PPP2R5D: variants seen among roughly 807,000 people sequenced by gnomAD.
PPP2R5D encodes protein phosphatase 2 regulatory subunit B'delta.
In PPP2R5D, 12 loss-of-function variants were observed where a neutral mutation model predicts 79.1. The observed-to-expected ratio is 0.15, with a 90% CI of 0.10 to 0.25. The LOEUF is 0.25. Ranked by LOEUF, PPP2R5D falls within the 10% of genes least tolerant of loss-of-function variation. PPP2R5D has a pLI of 1.00. For synonymous variants in PPP2R5D, 277 were observed against 286.6 expected, an observed-to-expected ratio of 0.97 and a Z score of 0.34; for missense variants, 419 against 760.2, an observed-to-expected ratio of 0.55 and a Z score of 5.28.
chr6:42,993,715 A>G lies in PPP2R5D; in HGVS notation c.105+4027A>G, dbSNP rs75112222. Among the ~76,000 whole-genome samples, 584 of 152,198 alleles carry G rather than the reference A, an allele frequency of 3.8e-3. 5 individuals carry two copies. Among genetic ancestry groups the G allele is most frequent in the African/African-American group, 0.013 (547 of 41,512 alleles). The stretch of plus-strand genomic sequence containing the variant: ...CTCCATGTGTCTCTGTCTCTGTCCA[A>G]ATTTTCCTCTTCTAAGGACACCAGT... On this transcript the variant is annotated intron_variant, in intron 2 of 15. Transcript: ENST00000485511.
chr6:42,992,176 C>T (rs1380723429), intron 2 of PPP2R5D, among the ~76,000 whole-genome samples: 1 of 152,162 alleles, frequency 6.6e-6, no homozygotes, highest in Non-Finnish European at 1.5e-5. Flanking sequence ...TCTCCTGCCT[C>T]AGCCTCCCGA....
intron 2 of PPP2R5D, among the ~76,000 whole-genome samples, chr6:43,001,569 A>T (rs1772210500): frequency 6.6e-6 from 1 of 151,910 alleles, no homozygotes; most frequent in Non-Finnish European, 1.5e-5. Context: ...TAGTGGTGGT[A>T]GTAGAAGGTA....
rs759155011 is a variant in PPP2R5D, at chr6:43,010,876, C to T, written c.1555-5C>T. On this transcript the variant is annotated splice_polypyrimidine_tract_variant and splice_region_variant and intron_variant, in intron 14 of 15. Coordinates refer to ENST00000485511, the MANE Select transcript of PPP2R5D (RefSeq NM_006245.4). This position sits in a 1 kb window ranked among gnomAD's most constrained non-coding sequence, Gnocchi z 4.7. ...CTTAACGCTTGTCCATGTCTCCTCA[C>T]TCAGTATCCCATGTTCCGAGCCCCT... is the stretch of plus-strand genomic sequence containing the variant. 1.9e-6 allele frequency: 3 copies of T among 1,611,562 alleles called. No homozygotes were observed. In the South Asian group the frequency reaches 3.3e-5, roughly 18 times the overall value.
rs1762173031 is a variant in PPP2R5D, at chr6:43,007,852, C to A, written c.727-83C>A. On this transcript the variant is annotated intron_variant, in intron 6 of 15. Coordinates refer to ENST00000485511, the MANE Select transcript of PPP2R5D (RefSeq NM_006245.4). This position sits in a 1 kb window ranked among gnomAD's most constrained non-coding sequence, Gnocchi z 4.5. ...CCACTCCAGGGGACCTCTGCATTTC[C>A]CCTGGCGGGACCTATGTCACCCTGG... 1.3e-6 allele frequency: 2 copies of A among 1,562,816 alleles called. No individual in the cohort carries two copies. The highest frequency in any genetic ancestry group is 2.7e-5 in the African/African-American group (2 of 73,378).
Position 43,006,743 on chromosome 6 carries a change from A to G in PPP2R5D, c.322+64A>G. On this transcript the variant is annotated intron_variant, in intron 3 of 15. Transcript: ENST00000485511. The surrounding 1 kb of genome is among the most constrained non-coding windows in gnomAD (Gnocchi z 4.7). ...CTAGTGGGCATCGGGAGTTGGTGGA[A>G]TGGAAGTTTTGGGGTATTTTGCGGG... 2.5e-6 allele frequency: 4 copies of G among 1,588,576 alleles called. No homozygotes were observed. Among genetic ancestry groups the G allele is most frequent in the Non-Finnish European group, 3.4e-6 (4 of 1,164,860 alleles).
chr6:43,003,816 G>T (rs1013163858), intron 2 of PPP2R5D, among the ~76,000 whole-genome samples: 5 of 150,060 alleles, frequency 3.3e-5, no homozygotes, highest in Admixed American at 2.7e-4. Context: ...CTCACTGCAA[G>T]CTCCGCCTCC....
chr6:43,005,035 C>T (rs1412374707), intron 2 of PPP2R5D, among the ~76,000 whole-genome samples: 1 of 151,934 alleles, frequency 6.6e-6, no homozygotes, highest in Admixed American at 6.6e-5. Context: ...ATGAGCCACT[C>T]ACTGCACCTG....
In PPP2R5D at chr6:43,007,134, G is replaced by T. The variant is rs551819761; in HGVS notation, c.522+24G>T. 1.2e-4 allele frequency: 197 copies of T among 1,613,222 alleles called. No homozygotes were observed. The highest frequency in any genetic ancestry group is 4.7e-4 in the Admixed American group (28 of 59,948). ...TGGTGGGCACAGGGAAAGGACACAG[G>T]GGGGACTGGTGAGGGGCTCTGGAGA... On this transcript the variant is annotated intron_variant, in intron 4 of 15. Transcript: ENST00000485511. This position sits in a 1 kb window ranked among gnomAD's most constrained non-coding sequence, Gnocchi z 4.5.
In PPP2R5D at chr6:42,989,498, A is replaced by G. The variant is rs918358761; in HGVS notation, c.28-113A>G. On this transcript the variant is annotated intron_variant, in intron 1 of 15. Transcript: ENST00000485511. ...CCAGCTCCGCACAAGGTAGATTCTA[A>G]TTGATTGATTCAACTGGACAGAGGA... 7.9e-6 allele frequency: 7 copies of G among 888,698 alleles called. No individual in the cohort carries two copies. In the African/African-American group the frequency reaches 1.2e-4, roughly 15 times the overall value. The allele number at this position is 888,698 out of a possible 1,614,324, so 55.1% of individuals were successfully genotyped here.
rs369753644 is a variant in PPP2R5D, at chr6:42,984,655, G to T, written c.-23G>T. 42 of 1,595,430 alleles carry T rather than the reference G, an allele frequency of 2.6e-5. No individual in the cohort carries two copies. The highest frequency in any genetic ancestry group is 1.4e-4 in the East Asian group (6 of 43,942). On this transcript the variant is annotated 5_prime_UTR_variant, in exon 1 of 16. Coordinates refer to ENST00000485511, the MANE Select transcript of PPP2R5D (RefSeq NM_006245.4). The stretch of plus-strand genomic sequence containing the variant: ...GAGCCGGAGCGGGGCCGCAGGAGAC[G>T]GGCCGGGTCCGGACGGGCCGAGATG...
rs1762299267 is a variant in PPP2R5D at position 43,010,477 on chromosome 6, T to C, written c.1389T>C (p.His463=). ...TTCTTCTTGGTGGCAGGACAATCCA[T>C]GGACTGATCTATAATGCCCTGAAGT... The part of the protein sequence containing the change: ...NSKSHWNKTI[H]GLIYNALKLF... Residue 463 remains histidine (H), a synonymous_variant, in exon 13 of 16, where the codon CAT becomes CAC. Coordinates refer to ENST00000485511, the MANE Select transcript of PPP2R5D (RefSeq NM_006245.4). This position sits in a 1 kb window ranked among gnomAD's most constrained non-coding sequence, Gnocchi z 4.7. 1.2e-6 allele frequency: 2 copies of C among 1,613,990 alleles called. No individual in the cohort carries two copies. The highest frequency in any genetic ancestry group is 1.7e-5 in the Admixed American group (1 of 59,996).
At chr6:42,984,806 T>C in intron 1 of PPP2R5D, 102 bp downstream of exon 1, 1 of 1,532,560 alleles carries the variant, frequency 6.5e-7, no homozygotes, top group Non-Finnish European at 8.8e-7. Flanking sequence ...GACCCTCCCG[T>C]CCAGCCCCCG....
chr6:42,997,768 A>G (rs143347066), intron 2 of PPP2R5D, among the ~76,000 whole-genome samples: 1,543 of 149,756 alleles, frequency 0.01, 26 homozygotes, highest in African/African-American at 0.036. Context: ...CTGGTCTCCA[A>G]CTCCTGACCT....
intron 2 of PPP2R5D, among the ~76,000 whole-genome samples, chr6:42,996,824 GA>G (rs1199557480): frequency 6.6e-6 from 1 of 152,228 alleles, no homozygotes; most frequent in African/African-American, 2.4e-5. Flanking sequence ...CTACTGGAGA[GA>G]AGGCCTCTGA....
At chr6:42,999,831 G>A (rs143336223) in intron 2 of PPP2R5D, among the ~76,000 whole-genome samples, 2,767 of 152,098 alleles carry the variant, frequency 0.018, 31 homozygotes, top group South Asian at 0.03. Context: ...AAAGAGCTGG[G>A]ATTGCAGGCA....
chr6:42,984,854 G>A, intron 1 of PPP2R5D, 150 bp downstream of exon 1: 1 of 1,285,904 alleles, frequency 7.8e-7, no homozygotes, highest in Non-Finnish European at 1.0e-6. Context: ...CCCGCGGCTG[G>A]CAGCACCCCC....
Position 43,006,915 on chromosome 6 carries a change from G to T in PPP2R5D, c.327G>T (p.Ser109=). Residue 109 remains serine (S), a synonymous_variant, in exon 4 of 16, where the codon TCG becomes TCT. Transcript: ENST00000485511. The surrounding 1 kb of genome is among the most constrained non-coding windows in gnomAD (Gnocchi z 4.7). ...TGACTGCTGGGGCCCCCACAGATTC[G>T]CCAACCCAGGAGCGGGAGGAGCTGT... ...ELQKLPALKD[S]PTQEREELFI... 1 of 1,613,766 alleles carries T rather than the reference G, an allele frequency of 6.2e-7. No individual in the cohort carries two copies. The highest frequency in any genetic ancestry group is 1.1e-5 in the South Asian group (1 of 91,064).
rs564947587 is a variant in PPP2R5D, at chr6:42,993,142, C to T, written c.105+3454C>T. On this transcript the variant is annotated intron_variant, in intron 2 of 15. Transcript: ENST00000485511. ...TGAAACCCTGTCTCTACTAAAAATACAAAAATTAGCCAGGCGTGGTGGCAC... is the reference window on the plus strand; with the variant it reads ...TGAAACCCTGTCTCTACTAAAAATATAAAAATTAGCCAGGCGTGGTGGCAC... Among the ~76,000 whole-genome samples the T allele has an allele frequency of 4.3e-4, 65 of 151,932 alleles. No homozygotes were observed. The South Asian group carries it at 0.013, about 30-fold the overall frequency.
chr6:42,984,732 C>G lies in PPP2R5D; in HGVS notation c.27+28C>G, dbSNP rs368005499. The G allele has an allele frequency of 5.0e-6, 8 of 1,611,280 alleles. No homozygotes were observed. The African/African-American group carries it at 1.1e-4, about 22-fold the overall frequency. On this transcript the variant is annotated intron_variant, in intron 1 of 15. Coordinates refer to ENST00000485511, the MANE Select transcript of PPP2R5D (RefSeq NM_006245.4). ...GAGCGTGGCCCTTTTTCCCCCACCG[C>G]CGCCTTGGAGCCTGCGCGGAGCTCT...
Sources: allele counts gnomAD v4.1 joint callset (sites outside exome capture counted in the v4.1 genomes callset), GRCh38; gene constraint gnomAD v4.1.1; non-coding constraint Gnocchi (gnomAD v3.1); transcripts MANE v1.5; gene names NCBI Gene and HGNC (gene_info 2026-07-23, HGNC 2026-07-21).